The following ITGA3 variants were observed in gnomAD, a reference collection of about 807,000 sequenced individuals.
The protein encoded by ITGA3 is integrin alpha-3.
In ITGA3, 70 loss-of-function variants were observed where a neutral mutation model predicts 131.1. The observed-to-expected ratio is 0.53, with a 90% CI of 0.44 to 0.65. ITGA3 has a LOEUF of 0.65. Ranked by LOEUF, ITGA3 falls within the 30% of genes least tolerant of loss-of-function variation. The pLI is 0.00. For missense variants in ITGA3, 1,098 were observed against 1,388.6 expected (o/e 0.79, Z 3.33); for synonymous variants, 537 against 571.6 (o/e 0.94, Z 0.86).
chr17:50,079,598 C>G, intron 21 of ITGA3, 41 bp downstream of exon 21: 1 of 1,478,958 alleles, frequency 6.8e-7, no homozygotes, highest in Non-Finnish European at 9.0e-7. Flanking sequence ...TGCATCCACC[C>G]CATCACAGGG....
At chr17:50,063,885 C>A (rs1401089445) in intron 1 of ITGA3, 192 bp from the exon 2 acceptor site, 1 of 703,276 alleles carries the variant, frequency 1.4e-6, no homozygotes. Flanking sequence ...CCCTGCTTCC[C>A]ACTCCCGGGG....
rs1909666708 is a variant in ITGA3, at chr17:50,090,406, G to C, written c.*1328G>C. ...CCCCTTCCATGGTACTGTAGCAGGG[G>C]AATTCCCTCCCCCTCCTTGTGCCTT... On this transcript the variant is annotated 3_prime_UTR_variant, in exon 26 of 26. Coordinates refer to ENST00000320031, the MANE Select transcript of ITGA3 (RefSeq NM_002204.4). The C allele has an allele frequency of 3.2e-6, 1 of 308,922 alleles. No homozygotes were observed. The highest frequency in any genetic ancestry group is 3.8e-5 in the Admixed American group (1 of 26,196). 19.1% of individuals were successfully genotyped at this position (308,922 alleles called of 1,614,324 possible).
At position 50,089,478 on chromosome 17, in the gene ITGA3, C is replaced by G; in HGVS notation, c.*400C>G. 1 of 578,634 alleles carries G rather than the reference C, an allele frequency of 1.7e-6. No homozygotes were observed. The highest frequency in any genetic ancestry group is 1.9e-5 in the African/African-American group (1 of 53,616). 35.8% of individuals were successfully genotyped at this position (578,634 alleles called of 1,614,324 possible). A position where few individuals can be genotyped will look rare whatever the true frequency, so the allele number is the denominator to read the frequency against. ...GCTGTGGACCTTACAACGCCGAGTG[C>G]ACTGCATTCCTGTGCCCTAGATGCA... is the stretch of plus-strand genomic sequence containing the variant. On this transcript the variant is annotated 3_prime_UTR_variant, in exon 26 of 26. Coordinates refer to ENST00000320031, the MANE Select transcript of ITGA3 (RefSeq NM_002204.4).
chr17:50,073,306 G>A (rs143136807), intron 7 of ITGA3, among the ~76,000 whole-genome samples: 10 of 152,336 alleles, frequency 6.6e-5, no homozygotes, highest in African/African-American at 1.7e-4. Flanking sequence ...AGCCCCTGCT[G>A]TGAGACAGCC....
intron 12 of ITGA3, 47 bp downstream of exon 12, chr17:50,075,782 G>A (rs1598190489): frequency 1.2e-6 from 2 of 1,603,974 alleles, no homozygotes; most frequent in East Asian, 2.2e-5. Context: ...GGTCCCTGGA[G>A]GAGGTGGCCA....
At chr17:50,057,198 C>T (rs891250219) in intron 1 of ITGA3, among the ~76,000 whole-genome samples, 8 of 152,186 alleles carry the variant, frequency 5.3e-5, no homozygotes, top group African/African-American at 1.9e-4. Context: ...TGTCCATACG[C>T]TCCCTCTGAC....
chr17:50,088,439 C>T (rs1909567250), intron 25 of ITGA3, 73 bp downstream of exon 25: 2 of 769,398 alleles, frequency 2.6e-6, no homozygotes. Flanking sequence ...CTATCTGCTC[C>T]TCTTCCCTTA....
At chr17:50,060,347 A>G (rs570282452) in intron 1 of ITGA3, among the ~76,000 whole-genome samples, 14 of 152,292 alleles carry the variant, frequency 9.2e-5, no homozygotes, top group Non-Finnish European at 1.8e-4. Context: ...TTCTCTGAGC[A>G]TTACCCCACC....
rs964139493 is a variant in ITGA3 at position 50,056,478 on chromosome 17, C to G, written c.39C>G (p.Arg13=). Residue 13 remains arginine, a synonymous_variant, in exon 1 of 26, where the codon CGC becomes CGG. Coordinates refer to ENST00000320031, the MANE Select transcript of ITGA3 (RefSeq NM_002204.4). The surrounding 1 kb of genome is among the most constrained non-coding windows in gnomAD (Gnocchi z 5.6). ...CCAGCCGCGCGCCCCGCGCCCCACG[C>G]CTGATGCTCTGTGCGCTCGCCTTGA... ...PGPSRAPRAP[R]LMLCALALMV... is the part of the protein sequence containing the mutation. 7.7e-6 allele frequency: 12 copies of G among 1,548,880 alleles called. No homozygotes were observed. In the Admixed American group the frequency reaches 2.0e-4, roughly 25 times the overall value.
At position 50,079,140 on chromosome 17, in the gene ITGA3, A is replaced by G. The variant is rs1163722323; in HGVS notation, c.2465A>G (p.Tyr822Cys). The change falls in exon 20 of 26, where the codon TAC becomes TGC. Residue 822 changes from tyrosine to cysteine, a missense_variant. Tyr to Cys is a radical substitution (Grantham distance 194, BLOSUM62 -2). Coordinates refer to ENST00000320031, the MANE Select transcript of ITGA3 (RefSeq NM_002204.4). ...GTLVLGLEWPYEVSNGKWLLY... is the reference protein window; with the variant it reads ...GTLVLGLEWPCEVSNGKWLLY... ...CTGGTCCTAGGTCTGGAGTGGCCCT[A>G]CGAAGTCAGCAATGGCAAGTGGCTG... is the stretch of plus-strand genomic sequence containing the variant. 6 of 1,613,942 alleles carry G rather than the reference A, an allele frequency of 3.7e-6. No individual in the cohort carries two copies. Among genetic ancestry groups the G allele is most frequent in the Non-Finnish European group, 5.1e-6 (6 of 1,179,956 alleles).
intron 18 of ITGA3, 30 bp downstream of exon 18, chr17:50,078,314 C>T: frequency 6.3e-7 from 1 of 1,584,904 alleles, no homozygotes; most frequent in Non-Finnish European, 8.6e-7. Flanking sequence ...ACCCCCACCC[C>T]AGCCTGCTGT....
chr17:50,076,227 G>A, intron 12 of ITGA3, 99 bp from the exon 13 acceptor site: 1 of 1,332,696 alleles, frequency 7.5e-7, no homozygotes, highest in Non-Finnish European at 1.0e-6. Context: ...TCAGGGTGGG[G>A]GGCGGGTCCA....
intron 1 of ITGA3, among the ~76,000 whole-genome samples, chr17:50,059,226 G>A (rs1424951216): frequency 6.6e-6 from 1 of 152,178 alleles, no homozygotes; most frequent in Admixed American, 6.5e-5. Context: ...TGCATGAGGG[G>A]TTCCTTGGAG....
At chr17:50,070,516 C>G (rs140293913) in intron 4 of ITGA3, among the ~76,000 whole-genome samples, 4 of 151,562 alleles carry the variant, frequency 2.6e-5, no homozygotes, top group African/African-American at 9.7e-5. Flanking sequence ...CATGGTGGCG[C>G]ATGCCTGTAA....
intron 23 of ITGA3, chr17:50,087,505 C>T (rs766534065): frequency 1.1e-4 from 50 of 465,458 alleles, no homozygotes; most frequent in Non-Finnish European, 1.8e-4. Flanking sequence ...CACACCCAGA[C>T]TCCAGGCCAC....
chr17:50,069,815 A>G (rs940275662), intron 4 of ITGA3, among the ~76,000 whole-genome samples: 2 of 152,154 alleles, frequency 1.3e-5, no homozygotes, highest in Non-Finnish European at 2.9e-5. Flanking sequence ...CACACTACAC[A>G]TGGTCTCACA....
rs1908242136 is a variant in ITGA3, at chr17:50,064,574, T to C, written c.381T>C (p.Thr127=). Residue 127 remains threonine (T), a synonymous_variant, in exon 3 of 26, where the codon ACT becomes ACC. Coordinates refer to ENST00000320031, the MANE Select transcript of ITGA3 (RefSeq NM_002204.4). The surrounding 1 kb of genome is among the most constrained non-coding windows in gnomAD (Gnocchi z 4.4). ...TTGAGGACATGTGGCTTGGAGTGAC[T>C]GTGGCCAGCCAGGGCCCTGCAGGCA... ...HIIEDMWLGV[T]VASQGPAGRV... 1 of 1,613,194 alleles carries C rather than the reference T, an allele frequency of 6.2e-7. No homozygotes were observed. The highest frequency in any genetic ancestry group is 8.5e-7 in the Non-Finnish European group (1 of 1,179,822).
chr17:50,064,707 G>A lies in ITGA3; in HGVS notation c.414+100G>A, dbSNP rs562521495. On this transcript the variant is annotated intron_variant, in intron 3 of 25. Transcript: ENST00000320031. This position sits in a 1 kb window ranked among gnomAD's most constrained non-coding sequence, Gnocchi z 4.4. ...AGAGGGCAGCAGGGGGGTCCACGGC[G>A]CGTGTGTGCTGGGGCCTGCACACAT... is the stretch of plus-strand genomic sequence containing the variant. The A allele has an allele frequency of 7.3e-5, 70 of 958,756 alleles. No homozygotes were observed. The highest frequency in any genetic ancestry group is 2.6e-4 in the Middle Eastern group (1 of 3,906). The allele number at this position is 958,756 out of a possible 1,614,324, so 59.4% of individuals were successfully genotyped here. A position where few individuals can be genotyped will look rare whatever the true frequency, so the allele number is the denominator to read the frequency against.
intron 1 of ITGA3, among the ~76,000 whole-genome samples, chr17:50,061,129 G>C (rs946266595): frequency 3.3e-5 from 5 of 151,952 alleles, no homozygotes; most frequent in African/African-American, 4.8e-5. Flanking sequence ...AAATACTCTG[G>C]GGGGGTGAAG....
Sources: allele counts gnomAD v4.1 joint callset (sites outside exome capture counted in the v4.1 genomes callset), GRCh38; gene constraint gnomAD v4.1.1; non-coding constraint Gnocchi (gnomAD v3.1); transcripts MANE v1.5; gene names NCBI Gene and HGNC (gene_info 2026-07-23, HGNC 2026-07-21).